CACNA1C: variants seen among roughly 807,000 people sequenced by gnomAD.
CACNA1C encodes voltage-dependent L-type calcium channel subunit alpha-1C.
A neutral mutation model predicts 229.0 loss-of-function variants in CACNA1C; 30 were observed. The ratio of observed to expected loss-of-function variants is 0.13; its 90% CI spans 0.10 to 0.18. The LOEUF (loss-of-function observed/expected upper bound fraction) is 0.18. CACNA1C is among the 10% of genes least tolerant of loss of function. The probability of loss-of-function intolerance (pLI) is 1.00; values close to 1 mark genes in which losing one functional copy is unlikely to be tolerated. For missense variants in CACNA1C, 1,658 were observed against 2,845.0 expected (o/e 0.58, Z 9.49); for synonymous variants, 1,114 against 1,132.5 (o/e 0.98, Z 0.33).
intron 3 of CACNA1C, among the ~76,000 whole-genome samples, chr12:2,135,445 C>CT (rs1169314522): frequency 1.4e-5 from 2 of 139,280 alleles, no homozygotes; most frequent in East Asian, 4.1e-4. Context: ...GTTTTATCTA[C>CT]TTTTGGTCTT....
rs2096898935 is a variant in CACNA1C at position 2,677,773 on chromosome 12, G to A, written c.4997G>A (p.Arg1666Gln). ...RTLHDIGPEI[R>Q]RAISGDLTAE... ...CTGCATGACATCGGGCCTGAGATCCGACGGGCCATCTCTGGAGATCTCACC... is the reference window on the plus strand; with the variant it reads ...CTGCATGACATCGGGCCTGAGATCCAACGGGCCATCTCTGGAGATCTCACC... Residue 1666 changes from arginine (R) to glutamine (Q), a missense_variant, in exon 41 of 47, where the codon CGA becomes CAA. By Grantham distance (43) the Arg-to-Gln change is conservative (BLOSUM62 1). Around this residue, in one of 20 missense-constraint regions of CACNA1C, gnomAD observed 590 missense variants for 700.8 expected, o/e 0.84. Coordinates refer to ENST00000399655, the MANE Select transcript of CACNA1C (RefSeq NM_000719.7). This position sits in a 1 kb window ranked among gnomAD's most constrained non-coding sequence, Gnocchi z 7.4. 5 of 1,613,786 alleles carry A rather than the reference G, an allele frequency of 3.1e-6. No individual in the cohort carries two copies. The highest frequency in any genetic ancestry group is 1.6e-4 in the Middle Eastern group (1 of 6,078).
intron 3 of CACNA1C, among the ~76,000 whole-genome samples, chr12:2,371,721 TG>T (rs199498595): frequency 0.079 from 10,688 of 134,784 alleles, 845 homozygotes; most frequent in African/African-American, 0.15. Context: ...AAATGACATA[TG>T]GCTTTTTTTT....
chr12:2,589,501 G>C (rs2064141637), intron 18 of CACNA1C, among the ~76,000 whole-genome samples: 1 of 152,250 alleles, frequency 6.6e-6, no homozygotes, highest in African/African-American at 2.4e-5. Context: ...ACTCCAAAGA[G>C]GGCCAGTGTG....
intron 14 of CACNA1C, 65 bp from the exon 15 acceptor site, chr12:2,582,757 G>A: frequency 6.3e-7 from 1 of 1,580,526 alleles, no homozygotes; most frequent in Non-Finnish European, 8.7e-7. Context: ...GGGCAGGGCA[G>A]GGTGGTTTTG....
intron 3 of CACNA1C, among the ~76,000 whole-genome samples, chr12:2,169,837 T>C (rs538839578): frequency 6.6e-6 from 1 of 152,350 alleles, no homozygotes; most frequent in South Asian, 2.1e-4. Flanking sequence ...CAGCATTGCC[T>C]CCAGAATTCT....
chr12:2,201,809 AT>A (rs1404981128), intron 3 of CACNA1C, among the ~76,000 whole-genome samples: 2 of 152,156 alleles, frequency 1.3e-5, no homozygotes, highest in Admixed American at 6.5e-5. Context: ...GCCATGCTTC[AT>A]TGGCCAGGGG....
intron 18 of CACNA1C, among the ~76,000 whole-genome samples, chr12:2,587,248 T>C (rs1487290695): frequency 1.3e-5 from 2 of 152,228 alleles, no homozygotes; most frequent in African/African-American, 4.8e-5. Context: ...TGGAACAAGA[T>C]TAGCAAAATG....
intron 3 of CACNA1C, among the ~76,000 whole-genome samples, chr12:2,317,766 G>A (rs918633998): frequency 6.6e-5 from 10 of 152,214 alleles, no homozygotes; most frequent in South Asian, 2.1e-4. Context: ...GTGGCCCTGC[G>A]CAGGCCAGAG....
At chr12:2,472,723 A>G (rs1437807715) in intron 5 of CACNA1C, among the ~76,000 whole-genome samples, 7 of 152,126 alleles carry the variant, frequency 4.6e-5, no homozygotes, top group Non-Finnish European at 1.5e-5. Context: ...TTCCTTGACT[A>G]TCACATTTTA....
intron 34 of CACNA1C, chr12:2,660,901 A>C (rs1249901506): frequency 6.6e-6 from 1 of 152,114 alleles, no homozygotes; most frequent in Non-Finnish European, 1.5e-5. Context: ...CCAAAGAAAA[A>C]TGCCAGGAAC....
chr12:2,088,010 G>C (rs943796701), intron 1 of CACNA1C, among the ~76,000 whole-genome samples: 1 of 152,156 alleles, frequency 6.6e-6, no homozygotes. Flanking sequence ...ACTTGGGTAG[G>C]CCACTTCTCC....
At chr12:2,324,932 G>GC (rs2154501707) in intron 3 of CACNA1C, among the ~76,000 whole-genome samples, 1 of 152,308 alleles carries the variant, frequency 6.6e-6, no homozygotes, top group African/African-American at 2.4e-5. Flanking sequence ...CGTTACTGTT[G>GC]CCTGGCGAGG....
chr12:2,419,787 G>A (rs1260646249), intron 3 of CACNA1C, among the ~76,000 whole-genome samples: 1 of 152,148 alleles, frequency 6.6e-6, no homozygotes, highest in Non-Finnish European at 1.5e-5. Flanking sequence ...GGGTGTATGT[G>A]GCCTCTCCCC....
chr12:2,339,236 A>G (rs1343212837), intron 3 of CACNA1C, among the ~76,000 whole-genome samples: 1 of 152,262 alleles, frequency 6.6e-6, no homozygotes, highest in Non-Finnish European at 1.5e-5. Context: ...TTGTAATACA[A>G]TGCTAAACAT....
At position 2,566,433 on chromosome 12, in the gene CACNA1C, G is replaced by A. The variant is rs768830617; in HGVS notation, c.1520G>A (p.Arg507His). 3.8e-5 allele frequency: 60 copies of A among 1,593,666 alleles called. No individual in the cohort carries two copies. The highest frequency in any genetic ancestry group is 6.8e-5 in the East Asian group (3 of 43,904). The change falls in exon 12 of 47, where the codon CGC becomes CAC. Residue 507 changes from arginine to histidine, a missense_variant. By Grantham distance (29) the Arg-to-His change is conservative. Transcript: ENST00000399655. The surrounding 1 kb of genome is among the most constrained non-coding windows in gnomAD (Gnocchi z 4.0). ...TGTCCCCTTTCCAGCCGCTACTGGCGCCGGTGGAATCGGTTCTGCAGAAGG... is the reference window on the plus strand; with the variant it reads ...TGTCCCCTTTCCAGCCGCTACTGGCACCGGTGGAATCGGTTCTGCAGAAGG... ...ISKSKFSRYWRRWNRFCRRKC... is the reference protein window; with the variant it reads ...ISKSKFSRYWHRWNRFCRRKC...
chr12:2,474,598 T>C (rs944346986), intron 5 of CACNA1C, among the ~76,000 whole-genome samples: 3 of 151,704 alleles, frequency 2.0e-5, no homozygotes, highest in African/African-American at 7.3e-5. Flanking sequence ...CTACTAAAAA[T>C]ACAAAAACTT....
chr12:2,499,448 G>A (rs1442593026), intron 7 of CACNA1C, among the ~76,000 whole-genome samples: 1 of 152,210 alleles, frequency 6.6e-6, no homozygotes, highest in Non-Finnish European at 1.5e-5. Context: ...CTGCTGGGCT[G>A]GGGAGTTGGC....
chr12:2,601,355 C>T lies in CACNA1C; in HGVS notation c.2854-499C>T, dbSNP rs907731002. On this transcript the variant is annotated intron_variant, in intron 21 of 46. Transcript: ENST00000399655. This position sits in a 1 kb window ranked among gnomAD's most constrained non-coding sequence, Gnocchi z 5.9. Reference sequence around the variant, plus strand: ...GATGATAAAGCAAATCTGGGCAAACCAGGATGGCTGGTCACCCTGCTGGGC... The same window carrying T: ...GATGATAAAGCAAATCTGGGCAAACTAGGATGGCTGGTCACCCTGCTGGGC... 4.6e-5 allele frequency among the ~76,000 whole-genome samples: 7 copies of T among 152,234 alleles called. No homozygotes were observed. Among genetic ancestry groups the T allele is most frequent in the African/African-American group, 1.7e-4 (7 of 41,544 alleles).
At chr12:2,007,355 A>G in intron 1 of CACNA1C, among the ~76,000 whole-genome samples, 1 of 152,270 alleles carries the variant, frequency 6.6e-6, no homozygotes, top group East Asian at 1.9e-4. Context: ...TGAGCTCATT[A>G]GAGAAGACAG....
Sources: gnomAD v4.1 joint callset for allele counts (sites outside exome capture counted in the v4.1 genomes callset) on GRCh38, gnomAD v4.1.1 for gene constraint, gnomAD v4.1.1 regional missense constraint, Gnocchi (gnomAD v3.1) non-coding constraint, MANE v1.5 for transcripts, NCBI Gene and HGNC (gene_info 2026-07-23, HGNC 2026-07-21) for gene names.